Variants in ANPEP observed in about 807,000 individuals in gnomAD.
ANPEP encodes the protein aminopeptidase N.
In ANPEP, 70 loss-of-function variants were observed where a neutral mutation model predicts 114.6. The ratio of observed to expected loss-of-function variants is 0.61; its 90% CI spans 0.50 to 0.75. ANPEP has a LOEUF of 0.75. ANPEP is among the 30% of genes least tolerant of loss of function. The pLI, the probability that ANPEP is intolerant of heterozygous loss-of-function variation, is 0.00. For missense variants in ANPEP, 1,184 were observed against 1,259.5 expected (o/e 0.94, Z 0.91); for synonymous variants, 548 against 522.3 (o/e 1.05, Z -0.67).
At position 89,791,021 on chromosome 15, in the gene ANPEP, G is replaced by C; in HGVS notation, c.2601C>G (p.Thr867=). ...CCAGACCTTGCCCAATGACGTTGTTGGTAATGCTGATGATGGTAGAGGTGG... is the reference window on the plus strand; with the variant it reads ...CCAGACCTTGCCCAATGACGTTGTTCGTAATGCTGATGATGGTAGAGGTGG... ...QDATSTIISI[T]NNVIGQGLVW... The change falls in exon 19 of 21, where the codon ACC becomes ACG. Residue 867 remains threonine (T), a synonymous_variant. Transcript: ENST00000300060. 1 of 1,614,208 alleles carries C rather than the reference G, an allele frequency of 6.2e-7. No homozygotes were observed. The highest frequency in any genetic ancestry group is 8.5e-7 in the Non-Finnish European group (1 of 1,180,034).
intron 6 of ANPEP, 125 bp from the exon 7 acceptor site, chr15:89,804,127 C>A: frequency 6.4e-7 from 1 of 1,552,632 alleles, no homozygotes; most frequent in South Asian, 1.2e-5. Flanking sequence ...ATCGTGACCC[C>A]TTCCTGCTGC....
chr15:89,805,859 G>A, intron 2 of ANPEP, 111 bp downstream of exon 2: 3 of 1,423,494 alleles, frequency 2.1e-6, no homozygotes, highest in Non-Finnish European at 2.8e-6. Context: ...GCCAGTCTCG[G>A]GCTCCACAGG....
In ANPEP at chr15:89,792,090, G is replaced by A. The variant is rs943916310; in HGVS notation, c.2528+70C>T. 4 of 1,543,928 alleles carry A rather than the reference G, an allele frequency of 2.6e-6. No individual in the cohort carries two copies. In the African/African-American group the frequency reaches 5.4e-5, roughly 21 times the overall value. On this transcript the variant is annotated intron_variant, in intron 18 of 20. Transcript: ENST00000300060. ...GGTCACGTGAAGGATCTGGCGAGGAGTGTGGAGGCCTGCCTGGTTCTCCAG... is the reference window on the plus strand; with the variant it reads ...GGTCACGTGAAGGATCTGGCGAGGAATGTGGAGGCCTGCCTGGTTCTCCAG...
intron 6 of ANPEP, 62 bp from the exon 7 acceptor site, chr15:89,804,064 AC>A (rs1446297299): frequency 6.3e-7 from 1 of 1,586,302 alleles, no homozygotes; most frequent in Non-Finnish European, 8.6e-7. Context: ...AATCCCCAGA[AC>A]TACCCTCCCC....
intron 12 of ANPEP, among the ~76,000 whole-genome samples, chr15:89,800,475 C>T (rs763911091): frequency 5.9e-5 from 9 of 152,040 alleles, no homozygotes; most frequent in South Asian, 2.1e-4. Flanking sequence ...TCATGCCCTT[C>T]GCTTCTTCAG....
At chr15:89,785,577 G>A in intron 20 of ANPEP, 76 bp from the exon 21 acceptor site, 2 of 1,585,366 alleles carry the variant, frequency 1.3e-6, no homozygotes, top group South Asian at 1.1e-5. Context: ...CAGGCCTCTG[G>A]CTTTCCACTC....
At chr15:89,795,644 G>A (rs1387655651) in intron 15 of ANPEP, among the ~76,000 whole-genome samples, 1 of 152,192 alleles carries the variant, frequency 6.6e-6, no homozygotes, top group East Asian at 1.9e-4. Context: ...AACATTCAGA[G>A]AAATAATTTC....
At position 89,804,615 on chromosome 15, in the gene ANPEP, G is replaced by T; in HGVS notation, c.900C>A (p.Ile300=). The stretch of plus-strand genomic sequence containing the variant: ...TGGCACTGGGCCGGGCCCAGATCCG[G>T]ATCTGCAAGGTGTGAGGAAGAAGCA... ...VEKQASNGVL[I]RIWARPSAIA... is the part of the protein sequence containing the mutation. The change falls in exon 5 of 21, where the codon ATC becomes ATA. Residue 300 remains isoleucine (I), a splice_region_variant and synonymous_variant. Coordinates refer to ENST00000300060, the MANE Select transcript of ANPEP (RefSeq NM_001150.3). The T allele has an allele frequency of 6.2e-7, 1 of 1,613,558 alleles. No individual in the cohort carries two copies. The highest frequency in any genetic ancestry group is 1.1e-5 in the South Asian group (1 of 91,024).
intron 1 of ANPEP, among the ~76,000 whole-genome samples, chr15:89,813,233 G>C (rs1343749688): frequency 6.6e-6 from 1 of 152,174 alleles, no homozygotes; most frequent in Non-Finnish European, 1.5e-5. Flanking sequence ...GCCAGCCCAG[G>C]AACTGGACCC....
At position 89,806,522 on chromosome 15, in the gene ANPEP, G is replaced by A; in HGVS notation, c.62C>T (p.Ala21Val). 1.9e-6 allele frequency: 3 copies of A among 1,613,772 alleles called. No individual in the cohort carries two copies. Among genetic ancestry groups the A allele is most frequent in the Non-Finnish European group, 2.5e-6 (3 of 1,179,748 alleles). ...LGILGILLGV[A>V]AVCTIIALSV... is the part of the protein sequence containing the mutation. ...CAGTGCGATGATTGTGCACACGGCT[G>A]CCACGCCCAGGAGGATCCCCAGGAT... is the stretch of plus-strand genomic sequence containing the variant. Residue 21 changes from alanine (A) to valine (V), a missense_variant, in exon 2 of 21, where the codon GCA (alanine) becomes GTA (valine). Ala to Val is a moderately conservative substitution (Grantham distance 64). Transcript: ENST00000300060. The surrounding 1 kb of genome is among the most constrained non-coding windows in gnomAD (Gnocchi z 5.7).
At chr15:89,798,957 A>AACAG in intron 14 of ANPEP, among the ~76,000 whole-genome samples, 1 of 152,120 alleles carries the variant, frequency 6.6e-6, no homozygotes, top group Non-Finnish European at 1.5e-5. Flanking sequence ...CAAACAAACA[A>AACAG]ACAAACAAAC....
chr15:89,807,784 C>T (rs1195749808), intron 1 of ANPEP, among the ~76,000 whole-genome samples: 1 of 152,150 alleles, frequency 6.6e-6, no homozygotes, highest in African/African-American at 2.4e-5. Context: ...GAAGATATTA[C>T]TTACCATACA....
At chr15:89,791,762 CTCT>C (rs1968632479) in intron 18 of ANPEP, among the ~76,000 whole-genome samples, 1 of 152,000 alleles carries the variant, frequency 6.6e-6, no homozygotes, top group African/African-American at 2.4e-5. Flanking sequence ...CCAAGGGTGG[CTCT>C]TCTTTACTGC....
Position 89,793,060 on chromosome 15 carries a change from C to A in ANPEP, c.2224G>T (p.Glu742Ter). The A allele has an allele frequency of 6.2e-7, 1 of 1,614,166 alleles. No individual in the cohort carries two copies. Among genetic ancestry groups the A allele is most frequent in the South Asian group, 1.1e-5 (1 of 91,080 alleles). The change falls in exon 16 of 21, where the codon GAG becomes TAG. Residue 742 changes from glutamate to a stop codon, truncating the protein, a stop_gained. Coordinates refer to ENST00000300060, the MANE Select transcript of ANPEP (RefSeq NM_001150.3). LOFTEE classifies it high-confidence loss of function. The part of the protein sequence containing the change: ...HFRNNTNNWR[E>*]IPENLMDQYS... ...TGGTCCATCAGGTTTTCTGGGATCT[C>A]CCTCCAGTTGTTGGTATTATTTCTG...
rs2141802612 is a variant in ANPEP at position 89,799,965 on chromosome 15, C to T, written c.1820-406G>A. On this transcript the variant is annotated intron_variant, in intron 12 of 20. Coordinates refer to ENST00000300060, the MANE Select transcript of ANPEP (RefSeq NM_001150.3). The surrounding 1 kb of genome is among the most constrained non-coding windows in gnomAD (Gnocchi z 4.2). ...TCACCCAGACCCCCAGTGCTGCTGTCTCTTTCTGGGGCTTAGTGCCCCTTC... is the reference window on the plus strand; with the variant it reads ...TCACCCAGACCCCCAGTGCTGCTGTTTCTTTCTGGGGCTTAGTGCCCCTTC... 6.6e-6 allele frequency among the ~76,000 whole-genome samples: 1 copy of T among 152,282 alleles called. No individual in the cohort carries two copies. The highest frequency in any genetic ancestry group is 1.5e-5 in the Non-Finnish European group (1 of 68,020).
At position 89,806,347 on chromosome 15, in the gene ANPEP, C is replaced by T. The variant is rs185420151; in HGVS notation, c.237G>A (p.Thr79=). 160 of 1,614,104 alleles carry T rather than the reference C, an allele frequency of 9.9e-5. 3 individuals carry two copies. The South Asian group carries it at 1.0e-3, about 11-fold the overall frequency. The part of the protein sequence containing the change: ...KAWNRYRLPN[T]LKPDSYRVTL... The stretch of plus-strand genomic sequence containing the variant: ...TCACCCGGTAGGAATCGGGTTTCAG[C>T]GTGTTGGGGAGGCGGTAACGATTCC... Residue 79 remains threonine (T), a synonymous_variant, in exon 2 of 21, where the codon ACG becomes ACA. Transcript: ENST00000300060. The surrounding 1 kb of genome is among the most constrained non-coding windows in gnomAD (Gnocchi z 5.7).
Position 89,784,917 on chromosome 15 carries a change from C to T in ANPEP, c.*432G>A, listed in dbSNP as rs1440099387. 1 of 161,620 alleles carries T rather than the reference C, an allele frequency of 6.2e-6. No homozygotes were observed. The highest frequency in any genetic ancestry group is 1.4e-5 in the Non-Finnish European group (1 of 72,958). The allele number at this position is 161,620 out of a possible 1,614,324, so 10.0% of individuals were successfully genotyped here. Reference sequence around the variant, plus strand: ...CACTCATCTAGAAATCCTTTATTTACATTTTCTCTTAGAAAAAAATATACA... The same window carrying T: ...CACTCATCTAGAAATCCTTTATTTATATTTTCTCTTAGAAAAAAATATACA... On this transcript the variant is annotated 3_prime_UTR_variant, in exon 21 of 21. Transcript: ENST00000300060.
Position 89,791,096 on chromosome 15 carries a change from A to G in ANPEP, c.2529-3T>C. ...GGTTCAGGGTGTAGCTCAGGTACCT[A>G]AGAGGGCCAGATGCTGTCTCAGCTA... On this transcript the variant is annotated splice_polypyrimidine_tract_variant and splice_region_variant and intron_variant, in intron 18 of 20. Coordinates refer to ENST00000300060, the MANE Select transcript of ANPEP (RefSeq NM_001150.3). 1.2e-6 allele frequency: 2 copies of G among 1,613,948 alleles called. No individual in the cohort carries two copies. The highest frequency in any genetic ancestry group is 2.2e-5 in the South Asian group (2 of 91,066).
intron 1 of ANPEP, among the ~76,000 whole-genome samples, chr15:89,810,454 C>G (rs1029085600): frequency 3.3e-5 from 5 of 152,014 alleles, no homozygotes; most frequent in African/African-American, 1.2e-4. Flanking sequence ...GCCTGTAGTC[C>G]CAGCTACTTG....
Sources: gnomAD v4.1 joint callset for allele counts (sites outside exome capture counted in the v4.1 genomes callset) on GRCh38, gnomAD v4.1.1 for gene constraint, Gnocchi (gnomAD v3.1) non-coding constraint, MANE v1.5 for transcripts, NCBI Gene and HGNC (gene_info 2026-07-23, HGNC 2026-07-21) for gene names.